ALCAM: variants seen among roughly 807,000 people sequenced by gnomAD.
ALCAM encodes activated leukocyte cell adhesion molecule.
A neutral mutation model predicts 70.9 loss-of-function variants in ALCAM; 30 were observed. That is an observed-to-expected ratio of 0.42 (90% CI 0.32 to 0.57). The LOEUF (loss-of-function observed/expected upper bound fraction) is 0.57. Among genes scored for constraint, ALCAM ranks in the 20% least tolerant of loss-of-function variants. The pLI is 0.11. For synonymous variants in ALCAM, 249 were observed against 242.5 expected (o/e 1.03, Z -0.25); for missense variants, 591 against 695.1 (o/e 0.85, Z 1.68).
At chr3:105,550,806 T>A (rs1940383258) in intron 12 of ALCAM, among the ~76,000 whole-genome samples, 1 of 151,620 alleles carries the variant, frequency 6.6e-6, no homozygotes, top group South Asian at 2.1e-4. Flanking sequence ...ATATTTAAAC[T>A]ATAGCCGAAA....
At chr3:105,382,651 A>G (rs1326248431) in intron 1 of ALCAM, among the ~76,000 whole-genome samples, 2 of 151,950 alleles carry the variant, frequency 1.3e-5, no homozygotes, top group Admixed American at 6.6e-5. Context: ...GTGAGATGGT[A>G]TCTCATTGTG....
At chr3:105,546,206 A>G (rs1940243094) in intron 9 of ALCAM, among the ~76,000 whole-genome samples, 1 of 92,810 alleles carries the variant, frequency 1.1e-5, no homozygotes, top group Admixed American at 1.5e-4. Context: ...CCCTTAACCC[A>G]TGATGGGTTC....
chr3:105,514,512 T>C (rs1195862519), intron 1 of ALCAM, among the ~76,000 whole-genome samples: 1 of 152,028 alleles, frequency 6.6e-6, no homozygotes, highest in Non-Finnish European at 1.5e-5. Flanking sequence ...AGTGTATTTT[T>C]AAAACTTTAT....
chr3:105,524,080 C>G (rs990293840), intron 2 of ALCAM, among the ~76,000 whole-genome samples: 5 of 152,148 alleles, frequency 3.3e-5, no homozygotes, highest in Non-Finnish European at 2.9e-5. Context: ...TCCTAGAGCT[C>G]TACCCTTTCA....
At chr3:105,525,118 T>G in intron 3 of ALCAM, 1 of 980,612 alleles carries the variant, frequency 1.0e-6, no homozygotes, top group Non-Finnish European at 1.2e-6. Flanking sequence ...GATTTAGATT[T>G]CAAAAAGTAT....
chr3:105,552,688 T>G, intron 14 of ALCAM, 103 bp downstream of exon 14: 1 of 1,574,218 alleles, frequency 6.4e-7, no homozygotes, highest in Non-Finnish European at 8.6e-7. Flanking sequence ...ATTTATACAA[T>G]AAGGAAGATG....
At chr3:105,466,447 A>G (rs143683646) in intron 1 of ALCAM, among the ~76,000 whole-genome samples, 73 of 151,590 alleles carry the variant, frequency 4.8e-4, no homozygotes, top group African/African-American at 1.7e-3. Context: ...ATATGTTCAG[A>G]AGATTCTGTT....
At chr3:105,371,517 CT>C (rs35522913) in intron 1 of ALCAM, among the ~76,000 whole-genome samples, 8 of 142,600 alleles carry the variant, frequency 5.6e-5, no homozygotes, top group African/African-American at 1.0e-4. Flanking sequence ...AAAGATGTTT[CT>C]TTTTTTTTTT....
At chr3:105,534,622 A>G in intron 5 of ALCAM, 41 bp from the exon 6 acceptor site, 1 of 1,569,856 alleles carries the variant, frequency 6.4e-7, no homozygotes, top group Non-Finnish European at 8.8e-7. Context: ...TGTGATTGTC[A>G]GATGAAAGAC....
chr3:105,375,785 G>A (rs1935359818), intron 1 of ALCAM, among the ~76,000 whole-genome samples: 1 of 152,066 alleles, frequency 6.6e-6, no homozygotes, highest in South Asian at 2.1e-4. Context: ...GTTGAAGGAA[G>A]CCCCAGCATT....
In ALCAM at chr3:105,367,402, G is replaced by A; in HGVS notation, c.-7G>A. ...CCGTCAGTGGCCCACCAAGAAGGAG[G>A]AGGAATATGGAATCCAAGGGGGCCA... On this transcript the variant is annotated 5_prime_UTR_variant, in exon 1 of 16. Coordinates refer to ENST00000306107, the MANE Select transcript of ALCAM (RefSeq NM_001627.4). 6.2e-6 allele frequency: 10 copies of A among 1,613,844 alleles called. No individual in the cohort carries two copies. Among genetic ancestry groups the A allele is most frequent in the Non-Finnish European group, 8.5e-6 (10 of 1,179,810 alleles).
intron 1 of ALCAM, among the ~76,000 whole-genome samples, chr3:105,382,214 T>A (rs901971088): frequency 1.3e-4 from 19 of 151,850 alleles, no homozygotes; most frequent in Admixed American, 9.2e-4. Flanking sequence ...CTTGCCATAG[T>A]TTACTGAGAA....
At chr3:105,457,888 T>C (rs1937554561) in intron 1 of ALCAM, among the ~76,000 whole-genome samples, 1 of 152,198 alleles carries the variant, frequency 6.6e-6, no homozygotes, top group African/African-American at 2.4e-5. Context: ...GCTAACTCTT[T>C]TTGAAAACAC....
In ALCAM at chr3:105,367,289, T is replaced by G; in HGVS notation, c.-120T>G. The stretch of plus-strand genomic sequence containing the variant: ...GCCACAGCCCAGGGGACGGTGTGTC[T>G]GGGAGAAGACGCTGCCCCTGCGTCG... On this transcript the variant is annotated 5_prime_UTR_variant, in exon 1 of 16. Transcript: ENST00000306107. The G allele has an allele frequency of 2.1e-6, 2 of 946,360 alleles. No homozygotes were observed. The highest frequency in any genetic ancestry group is 3.3e-5 in the African/African-American group (2 of 61,114). 58.6% of individuals were successfully genotyped at this position (946,360 alleles called of 1,614,324 possible). A position where few individuals can be genotyped will look rare whatever the true frequency, so the allele number is the denominator to read the frequency against.
intron 1 of ALCAM, among the ~76,000 whole-genome samples, chr3:105,381,973 T>A (rs1935533701): frequency 6.6e-6 from 1 of 151,668 alleles, no homozygotes; most frequent in Non-Finnish European, 1.5e-5. Context: ...AGTTTTAGGG[T>A]ACATGTGCAC....
chr3:105,506,196 G>A (rs1365150629), intron 1 of ALCAM, among the ~76,000 whole-genome samples: 1 of 152,118 alleles, frequency 6.6e-6, no homozygotes, highest in Non-Finnish European at 1.5e-5. Flanking sequence ...AGTTATATTT[G>A]CATGTTGAGG....
chr3:105,420,756 C>A lies in ALCAM; in HGVS notation c.73+53275C>A, dbSNP rs142257821. On this transcript the variant is annotated intron_variant, in intron 1 of 15. Coordinates refer to ENST00000306107, the MANE Select transcript of ALCAM (RefSeq NM_001627.4). The stretch of plus-strand genomic sequence containing the variant: ...TTCACAGAGTAGCACAGATGACAGG[C>A]ATATTTACACCTAATTATAATGCAC... Among the ~76,000 whole-genome samples, 11 of 151,526 alleles carry A rather than the reference C, an allele frequency of 7.3e-5. No homozygotes were observed. The East Asian group carries it at 2.1e-3, about 30-fold the overall frequency.
intron 1 of ALCAM, among the ~76,000 whole-genome samples, chr3:105,510,348 A>G (rs999874248): frequency 6.6e-6 from 1 of 152,020 alleles, no homozygotes; most frequent in Non-Finnish European, 1.5e-5. Context: ...GTCTTAGTAT[A>G]CTTGTTGCAT....
chr3:105,463,924 C>G (rs1270441094), intron 1 of ALCAM, among the ~76,000 whole-genome samples: 1 of 151,428 alleles, frequency 6.6e-6, no homozygotes, highest in Non-Finnish European at 1.5e-5. Context: ...AAACTTGCAT[C>G]TTTCCTAAAG....
Sources: allele counts gnomAD v4.1 joint callset (sites outside exome capture counted in the v4.1 genomes callset), GRCh38; gene constraint gnomAD v4.1.1; transcripts MANE v1.5; gene names NCBI Gene and HGNC (gene_info 2026-07-23, HGNC 2026-07-21).